The following CDK14 variants were observed in gnomAD, a reference collection of about 807,000 sequenced individuals.
CDK14 encodes the protein cyclin dependent kinase 14.
Under a neutral mutation model 60.7 loss-of-function variants are expected in CDK14, and 34 were observed. The observed-to-expected ratio is 0.56, with a 90% confidence interval of 0.43 to 0.75. The LOEUF is 0.75. Ranked by LOEUF, CDK14 falls within the 30% of genes least tolerant of loss-of-function variation. CDK14 has a pLI of 0.00. For synonymous variants in CDK14, 197 were observed against 203.7 expected (o/e 0.97, Z 0.28); for missense variants, 482 against 564.1 (o/e 0.85, Z 1.47).
intron 10 of CDK14, among the ~76,000 whole-genome samples, chr7:91,033,775 C>T (rs892585501): frequency 2.6e-5 from 4 of 152,182 alleles, no homozygotes; most frequent in Admixed American, 6.5e-5. Context: ...TGCACGTGCA[C>T]GTACATTTCC....
chr7:90,838,999 G>A lies in CDK14; in HGVS notation c.545-24176G>A, dbSNP rs13227431. On this transcript the variant is annotated intron_variant, in intron 5 of 14. Transcript: ENST00000380050. Reference sequence around the variant, plus strand: ...AAAACTTGCTGGTTTTGCAGCTAGGGGTCGCCATCACGGTCCTACCAATAT... The same window carrying A: ...AAAACTTGCTGGTTTTGCAGCTAGGAGTCGCCATCACGGTCCTACCAATAT... Among the ~76,000 whole-genome samples the A allele has an allele frequency of 2.0e-5, 3 of 151,914 alleles. No homozygotes were observed. The East Asian group carries it at 5.8e-4, about 29-fold the overall frequency.
chr7:90,756,115 C>T (rs1160956483), intron 4 of CDK14, among the ~76,000 whole-genome samples: 1 of 152,226 alleles, frequency 6.6e-6, no homozygotes, highest in East Asian at 1.9e-4. Context: ...CTAATCAGTA[C>T]ACCATTACTG....
At chr7:90,601,814 C>T (rs766845589) in intron 1 of CDK14, among the ~76,000 whole-genome samples, 60 of 151,964 alleles carry the variant, frequency 3.9e-4, no homozygotes, top group African/African-American at 1.2e-3. Flanking sequence ...AGTGCAGTGG[C>T]GCAATCTTGC....
rs1015594543 is a variant in CDK14 at position 90,791,098 on chromosome 7, G to A, written c.544+446G>A. ...TTACTGTACTTTTACTGGTTTTTCT[G>A]ATTGGAAGAAGATAACATAGACATT... On this transcript the variant is annotated intron_variant, in intron 5 of 14. Transcript: ENST00000380050. 2.0e-5 allele frequency among the ~76,000 whole-genome samples: 3 copies of A among 152,038 alleles called. No individual in the cohort carries two copies. The East Asian group carries it at 5.8e-4, about 29-fold the overall frequency.
chr7:90,611,127 A>T (rs1799530349), intron 2 of CDK14, among the ~76,000 whole-genome samples: 1 of 151,824 alleles, frequency 6.6e-6, no homozygotes. Flanking sequence ...AGCTTACATA[A>T]TTGATTCTTT....
chr7:91,029,583 C>CCTCTCCTCTCCTCTCCTCTA (rs1169884786), intron 10 of CDK14, among the ~76,000 whole-genome samples: 3 of 145,608 alleles, frequency 2.1e-5, no homozygotes, highest in African/African-American at 7.6e-5. Flanking sequence ...TCTCTCCTCT[C>CCTCTCCTCTCCTCTCCTCTA]CTCTCCTCTC....
intron 10 of CDK14, among the ~76,000 whole-genome samples, chr7:91,018,652 T>C (rs1031036310): frequency 6.6e-6 from 1 of 152,162 alleles, no homozygotes; most frequent in Non-Finnish European, 1.5e-5. Flanking sequence ...ATTTCCCCCT[T>C]GATGTTTGCA....
intron 14 of CDK14, among the ~76,000 whole-genome samples, chr7:91,199,577 G>T (rs1414323451): frequency 1.3e-5 from 2 of 152,070 alleles, no homozygotes; most frequent in Non-Finnish European, 2.9e-5. Flanking sequence ...TATAATGCCT[G>T]GTCTTTAATG....
At chr7:90,768,161 TG>T (rs529749765) in intron 4 of CDK14, among the ~76,000 whole-genome samples, 128 of 152,358 alleles carry the variant, frequency 8.4e-4, no homozygotes, top group Non-Finnish European at 1.7e-3. Context: ...TAGTAAGACC[TG>T]GAGAGAACCA....
intron 4 of CDK14, among the ~76,000 whole-genome samples, chr7:90,774,655 C>T (rs1207091742): frequency 1.3e-5 from 2 of 152,182 alleles, no homozygotes; most frequent in African/African-American, 4.8e-5. Flanking sequence ...CTATTACTTT[C>T]ACCAGGCTAC....
chr7:91,108,229 C>T (rs1799365729), intron 12 of CDK14, among the ~76,000 whole-genome samples: 1 of 152,196 alleles, frequency 6.6e-6, no homozygotes, highest in African/African-American at 2.4e-5. Context: ...ATCGCTTGAA[C>T]CTGGGAGACA....
At chr7:90,893,251 G>A (rs918602941) in intron 6 of CDK14, among the ~76,000 whole-genome samples, 34 of 152,178 alleles carry the variant, frequency 2.2e-4, no homozygotes, top group African/African-American at 7.7e-4. Context: ...TGGTGATGGA[G>A]TAAAGGGGAA....
At chr7:90,617,962 C>T (rs956836122) in intron 2 of CDK14, among the ~76,000 whole-genome samples, 5 of 152,152 alleles carry the variant, frequency 3.3e-5, no homozygotes, top group Non-Finnish European at 7.3e-5. Context: ...CTAGCATGTT[C>T]TGAAAAAAGT....
intron 14 of CDK14, among the ~76,000 whole-genome samples, chr7:91,193,856 C>T (rs559004067): frequency 2.0e-5 from 3 of 152,076 alleles, no homozygotes; most frequent in Admixed American, 1.3e-4. Flanking sequence ...TTGTCAGATT[C>T]GTTACTCACA....
intron 3 of CDK14, among the ~76,000 whole-genome samples, chr7:90,739,753 C>G (rs1391947453): frequency 6.6e-6 from 1 of 152,152 alleles, no homozygotes; most frequent in Non-Finnish European, 1.5e-5. Flanking sequence ...AACACACAGA[C>G]CTCTCATTCT....
intron 4 of CDK14, among the ~76,000 whole-genome samples, chr7:90,751,343 A>T (rs1803836492): frequency 6.6e-6 from 1 of 152,206 alleles, no homozygotes; most frequent in Admixed American, 6.5e-5. Flanking sequence ...AAACCTTACA[A>T]GCCAGGAGAG....
intron 14 of CDK14, among the ~76,000 whole-genome samples, chr7:91,133,647 A>G (rs1052318315): frequency 7.2e-5 from 11 of 152,178 alleles, no homozygotes; most frequent in Non-Finnish European, 1.2e-4. Context: ...AGTGAAAGGA[A>G]GTATATTGAA....
intron 4 of CDK14, among the ~76,000 whole-genome samples, chr7:90,758,490 A>G (rs1047604001): frequency 3.9e-5 from 6 of 152,192 alleles, no homozygotes; most frequent in African/African-American, 1.2e-4. Flanking sequence ...TTAATTCAGC[A>G]CCTTGAAATC....
chr7:90,907,565 CT>C (rs1321400082), intron 7 of CDK14, among the ~76,000 whole-genome samples: 1 of 152,008 alleles, frequency 6.6e-6, no homozygotes, highest in African/African-American at 2.4e-5. Flanking sequence ...ACTTCCATTT[CT>C]GTTATCATAA....
Sources: allele counts gnomAD v4.1 joint callset (sites outside exome capture counted in the v4.1 genomes callset), GRCh38; gene constraint gnomAD v4.1.1; transcripts MANE v1.5; gene names NCBI Gene and HGNC (gene_info 2026-07-23, HGNC 2026-07-21).